The following EVI5 variants were observed in gnomAD, a reference collection of about 807,000 sequenced individuals.
The protein encoded by EVI5 is ecotropic viral integration site 5 protein homolog.
A neutral mutation model predicts 112.0 loss-of-function variants in EVI5; 73 were observed. The observed-to-expected ratio is 0.65, with a 90% CI of 0.54 to 0.79. The LOEUF (loss-of-function observed/expected upper bound fraction) is 0.79. Ranked by LOEUF, EVI5 falls within the 30% of genes least tolerant of loss-of-function variation. The probability of loss-of-function intolerance (pLI) is 0.00; values close to 1 mark genes in which losing one functional copy is unlikely to be tolerated. For missense variants in EVI5, 900 were observed against 968.8 expected (o/e 0.93, Z 0.94); for synonymous variants, 305 against 319.9 (o/e 0.95, Z 0.50).
In EVI5 at chr1:92,693,802, T is replaced by G. The variant is rs1384570434; in HGVS notation, c.1097A>C (p.Lys366Thr). ...TCCAACAAAAATATAAAATACTTAC[T>G]TTTTCATTTTTTTTGAATTGTATTT... ...QVKYNSKKMKKLEKEYTTIKT... is the reference protein window; with the variant it reads ...QVKYNSKKMKTLEKEYTTIKT... The change falls in exon 9 of 20, where the codon AAG (lysine) becomes ACG (threonine). Residue 366 changes from lysine (K) to threonine (T), a missense_variant and splice_region_variant. By Grantham distance (78) the Lys-to-Thr change is moderately conservative. Coordinates refer to ENST00000684568, the MANE Select transcript of EVI5 (RefSeq NM_001350197.2). 2 of 1,542,068 alleles carry G rather than the reference T, an allele frequency of 1.3e-6. No homozygotes were observed. Among genetic ancestry groups the G allele is most frequent in the African/African-American group, 2.7e-5 (2 of 73,004 alleles).
At chr1:92,631,845 G>T (rs1435656694) in intron 14 of EVI5, among the ~76,000 whole-genome samples, 1 of 152,154 alleles carries the variant, frequency 6.6e-6, no homozygotes, top group Non-Finnish European at 1.5e-5. Flanking sequence ...ATGATTTTGA[G>T]ATACGTCCCA....
intron 18 of EVI5, among the ~76,000 whole-genome samples, chr1:92,580,087 T>C (rs1266169146): frequency 1.3e-5 from 2 of 152,234 alleles, no homozygotes; most frequent in African/African-American, 2.4e-5. Context: ...ATTATCGCTA[T>C]ACACTTATCT....
intron 1 of EVI5, among the ~76,000 whole-genome samples, chr1:92,755,171 G>C (rs930479776): frequency 6.6e-6 from 1 of 150,756 alleles, no homozygotes; most frequent in Non-Finnish European, 1.5e-5. Context: ...CACTTTGAGA[G>C]GCTGAGGTGG....
intron 18 of EVI5, among the ~76,000 whole-genome samples, chr1:92,590,421 G>A (rs1673617661): frequency 6.6e-6 from 1 of 152,212 alleles, no homozygotes; most frequent in Non-Finnish European, 1.5e-5. Flanking sequence ...AGTGCTTAAA[G>A]GAGCTGATGG....
At chr1:92,739,302 C>CTT (rs1677980780) in intron 1 of EVI5, among the ~76,000 whole-genome samples, 2 of 134,886 alleles carry the variant, frequency 1.5e-5, no homozygotes, top group African/African-American at 5.5e-5. Flanking sequence ...AGCGAACACA[C>CTT]TTTGAAAATG....
chr1:92,783,108 A>T (rs1685075666), intron 1 of EVI5, among the ~76,000 whole-genome samples: 1 of 152,166 alleles, frequency 6.6e-6, no homozygotes, highest in African/African-American at 2.4e-5. Flanking sequence ...TGCGTGAGCC[A>T]CCGCACCCAG....
chr1:92,511,218 G>A lies in EVI5; in HGVS notation c.*2438C>T, dbSNP rs887415350. On this transcript the variant is annotated 3_prime_UTR_variant, in exon 20 of 20. Coordinates refer to ENST00000684568, the MANE Select transcript of EVI5 (RefSeq NM_001350197.2). ...AATCCCAGCACTTTGGGAGGTCAAAGTGGGTGGATCACCTGAGGTCAGAAG... is the reference window on the plus strand; with the variant it reads ...AATCCCAGCACTTTGGGAGGTCAAAATGGGTGGATCACCTGAGGTCAGAAG... 1 of 152,292 alleles carries A rather than the reference G, an allele frequency of 6.6e-6. No individual in the cohort carries two copies. Among genetic ancestry groups the A allele is most frequent in the African/African-American group, 2.4e-5 (1 of 41,564 alleles). 9.4% of individuals were successfully genotyped at this position (152,292 alleles called of 1,614,324 possible). A position where few individuals can be genotyped will look rare whatever the true frequency, so the allele number is the denominator to read the frequency against.
intron 6 of EVI5, among the ~76,000 whole-genome samples, chr1:92,697,457 A>G (rs1453246903): frequency 6.6e-6 from 1 of 152,166 alleles, no homozygotes; most frequent in Non-Finnish European, 1.5e-5. Flanking sequence ...TAAAAATAAA[A>G]TAAAAGTAAA....
At chr1:92,612,941 A>C (rs1451570271) in intron 16 of EVI5, among the ~76,000 whole-genome samples, 1 of 152,200 alleles carries the variant, frequency 6.6e-6, no homozygotes, top group Non-Finnish European at 1.5e-5. Context: ...TAAGTTCACA[A>C]ACTCTTGCAC....
intron 14 of EVI5, among the ~76,000 whole-genome samples, chr1:92,635,384 G>A (rs569501609): frequency 9.8e-5 from 15 of 152,292 alleles, no homozygotes; most frequent in Admixed American, 1.3e-4. Flanking sequence ...AATGGCAGGC[G>A]CCCCCGCTGC....
At chr1:92,622,693 A>G (rs566673945) in intron 16 of EVI5, among the ~76,000 whole-genome samples, 62 of 152,232 alleles carry the variant, frequency 4.1e-4, no homozygotes, top group African/African-American at 1.4e-3. Context: ...AATTTCATGG[A>G]TTACCACCAG....
At chr1:92,675,270 G>A (rs1363560289) in intron 10 of EVI5, among the ~76,000 whole-genome samples, 4 of 152,140 alleles carry the variant, frequency 2.6e-5, no homozygotes, top group African/African-American at 9.7e-5. Flanking sequence ...CTTGAGCGCG[G>A]GAGGTCAAGG....
At chr1:92,724,817 T>A (rs909501128) in intron 2 of EVI5, among the ~76,000 whole-genome samples, 10 of 151,682 alleles carry the variant, frequency 6.6e-5, no homozygotes, top group Admixed American at 1.3e-4. Flanking sequence ...TTAAAAAAAA[T>A]AAATATATAT....
chr1:92,744,265 A>T (rs1570720621), intron 1 of EVI5, among the ~76,000 whole-genome samples: 1 of 152,168 alleles, frequency 6.6e-6, no homozygotes, highest in Non-Finnish European at 1.5e-5. Context: ...TATGAGTTTG[A>T]GAAAAATGTG....
At chr1:92,634,238 A>C (rs1006654264) in intron 14 of EVI5, among the ~76,000 whole-genome samples, 4 of 152,152 alleles carry the variant, frequency 2.6e-5, no homozygotes, top group Non-Finnish European at 5.9e-5. Flanking sequence ...GCCTTGCTAG[A>C]TTGGGGAAGT....
chr1:92,572,653 G>A (rs1670483584), intron 18 of EVI5, among the ~76,000 whole-genome samples: 2 of 152,038 alleles, frequency 1.3e-5, no homozygotes, highest in Non-Finnish European at 2.9e-5. Flanking sequence ...TGATAGGATT[G>A]GAATGATACC....
intron 19 of EVI5, among the ~76,000 whole-genome samples, chr1:92,528,229 C>T (rs1662258102): frequency 6.6e-6 from 1 of 152,182 alleles, no homozygotes. Context: ...AAGTCTTGCA[C>T]ATTGCTGGTG....
intron 2 of EVI5, among the ~76,000 whole-genome samples, chr1:92,735,780 A>G (rs1185330599): frequency 1.4e-5 from 2 of 144,274 alleles, no homozygotes; most frequent in African/African-American, 5.0e-5. Context: ...TATATATAAC[A>G]TATTATAAAG....
chr1:92,628,409 C>T (rs1421391621), intron 14 of EVI5, among the ~76,000 whole-genome samples: 1 of 152,122 alleles, frequency 6.6e-6, no homozygotes, highest in Non-Finnish European at 1.5e-5. Flanking sequence ...CCTAAGCAAA[C>T]GTCTAGAAGG....
Sources: gnomAD v4.1 joint callset for allele counts (sites outside exome capture counted in the v4.1 genomes callset) on GRCh38, gnomAD v4.1.1 for gene constraint, MANE v1.5 for transcripts, NCBI Gene and HGNC (gene_info 2026-07-23, HGNC 2026-07-21) for gene names.